The following CACNA2D1 variants were observed in gnomAD, a reference collection of about 807,000 sequenced individuals.
The protein encoded by CACNA2D1 is calcium voltage-gated channel auxiliary subunit alpha2delta 1.
Under a neutral mutation model 171.5 loss-of-function variants are expected in CACNA2D1, and 53 were observed. The ratio of observed to expected loss-of-function variants is 0.31; its 90% CI spans 0.25 to 0.39. The LOEUF (loss-of-function observed/expected upper bound fraction) is 0.39. Ranked by LOEUF, CACNA2D1 falls within the 10% of genes least tolerant of loss-of-function variation. The pLI is 1.00. For missense variants in CACNA2D1, 903 were observed against 1,299.8 expected (o/e 0.69, Z 4.69); for synonymous variants, 442 against 443.1 (o/e 1.00, Z 0.03).
Position 82,316,958 on chromosome 7 carries a change from G to A in CACNA2D1, c.294+18177C>T, listed in dbSNP as rs887945268. 2.6e-5 allele frequency among the ~76,000 whole-genome samples: 4 copies of A among 151,980 alleles called. 1 individual carries two copies. The East Asian group carries it at 5.8e-4, about 22-fold the overall frequency. On this transcript the variant is annotated intron_variant, in intron 3 of 38. Transcript: ENST00000356860. ...ACAATTCAGGGTGAGATTTGGGCGGGGACACAGCCAAACCATATCAATCTG... is the reference window on the plus strand; with the variant it reads ...ACAATTCAGGGTGAGATTTGGGCGGAGACACAGCCAAACCATATCAATCTG...
intron 10 of CACNA2D1, among the ~76,000 whole-genome samples, chr7:82,045,122 G>GAA (rs11405710): frequency 1.5e-4 from 23 of 152,086 alleles, no homozygotes; most frequent in African/African-American, 4.1e-4. Flanking sequence ...CAGATTAATA[G>GAA]AAAAAAATGC....
intron 1 of CACNA2D1, among the ~76,000 whole-genome samples, chr7:82,400,503 T>C (rs1826262537): frequency 6.6e-6 from 1 of 151,982 alleles, no homozygotes; most frequent in South Asian, 2.1e-4. Context: ...GCTAGCCATA[T>C]GTAGAAAGCT....
At chr7:82,050,594 A>G (rs755488677) in intron 10 of CACNA2D1, 1 of 702,740 alleles carries the variant, frequency 1.4e-6, no homozygotes, top group South Asian at 1.5e-5. Flanking sequence ...TGCATTGAAA[A>G]TCTCTTCGGG....
In CACNA2D1 at chr7:82,224,541, C is replaced by A. The variant is rs1179148002; in HGVS notation, c.295-53932G>T. On this transcript the variant is annotated intron_variant, in intron 3 of 38. Transcript: ENST00000356860. ...GGGGTTGCAGTGAGCCAAGATCGCA[C>A]CACTGCACTCCAGCCTGGCAACACA... is the stretch of plus-strand genomic sequence containing the variant. 3.3e-5 allele frequency among the ~76,000 whole-genome samples: 5 copies of A among 152,106 alleles called. No individual in the cohort carries two copies. The East Asian group carries it at 9.6e-4, about 29-fold the overall frequency.
At chr7:81,968,839 G>T in intron 29 of CACNA2D1, 48 bp downstream of exon 29, 1 of 1,011,248 alleles carries the variant, frequency 9.9e-7, no homozygotes, top group Non-Finnish European at 1.6e-6. Context: ...TAAATGCCAA[G>T]TAACATTTAA....
chr7:81,988,918 G>A (rs556145585), intron 21 of CACNA2D1, among the ~76,000 whole-genome samples: 60 of 152,264 alleles, frequency 3.9e-4, no homozygotes, highest in African/African-American at 1.4e-3. Flanking sequence ...TCGTGTGTGT[G>A]CATGATGTTA....
At chr7:82,054,256 C>T (rs997950281) in intron 10 of CACNA2D1, among the ~76,000 whole-genome samples, 1 of 152,156 alleles carries the variant, frequency 6.6e-6, no homozygotes, top group Admixed American at 6.5e-5. Context: ...TCTAATCAAG[C>T]TAGATGATAT....
chr7:82,139,933 C>CA (rs1191437951), intron 4 of CACNA2D1, among the ~76,000 whole-genome samples: 1 of 143,038 alleles, frequency 7.0e-6, no homozygotes, highest in East Asian at 2.0e-4. Context: ...AGGCATTTGC[C>CA]AACACACCTG....
chr7:82,144,338 A>G (rs2129093626), intron 4 of CACNA2D1, among the ~76,000 whole-genome samples: 1 of 152,222 alleles, frequency 6.6e-6, no homozygotes, highest in East Asian at 1.9e-4. Flanking sequence ...TTGTAGCTTT[A>G]CAAAAATTTC....
intron 1 of CACNA2D1, among the ~76,000 whole-genome samples, chr7:82,401,736 T>G (rs528047976): frequency 6.6e-6 from 1 of 151,966 alleles, no homozygotes. Context: ...AATGAAAAGA[T>G]AAATAAGACA....
intron 23 of CACNA2D1, 96 bp downstream of exon 23, chr7:81,983,218 G>A: frequency 1.9e-6 from 2 of 1,042,756 alleles, no homozygotes; most frequent in South Asian, 1.4e-5. Flanking sequence ...TAGCAAATGA[G>A]AAGCACAGAG....
At chr7:82,210,366 AC>A (rs1800433119) in intron 3 of CACNA2D1, among the ~76,000 whole-genome samples, 1 of 152,108 alleles carries the variant, frequency 6.6e-6, no homozygotes, top group African/African-American at 2.4e-5. Flanking sequence ...CTCTGGAAAA[AC>A]GGTAACAATA....
At chr7:82,024,482 A>G (rs1160441804) in intron 12 of CACNA2D1, among the ~76,000 whole-genome samples, 1 of 151,660 alleles carries the variant, frequency 6.6e-6, no homozygotes, top group Non-Finnish European at 1.5e-5. Context: ...TCATTTTTCA[A>G]TTGGGTTATT....
At chr7:82,268,609 T>C (rs3801703) in intron 3 of CACNA2D1, among the ~76,000 whole-genome samples, 36,953 of 151,610 alleles carry the variant, frequency 0.24, 4,984 homozygotes, top group Non-Finnish European at 0.31. Flanking sequence ...TGGACCATGG[T>C]TGGGAAAAAT....
intron 1 of CACNA2D1, among the ~76,000 whole-genome samples, chr7:82,409,287 A>C (rs750739894): frequency 1.3e-5 from 2 of 152,272 alleles, no homozygotes; most frequent in African/African-American, 2.4e-5. Flanking sequence ...GTACATTTTA[A>C]AATGTTTTTT....
chr7:82,161,738 G>A (rs1794968651), intron 4 of CACNA2D1, among the ~76,000 whole-genome samples: 1 of 151,994 alleles, frequency 6.6e-6, no homozygotes, highest in Non-Finnish European at 1.5e-5. Context: ...AGTGAGACAG[G>A]TAAATGAAAA....
intron 3 of CACNA2D1, among the ~76,000 whole-genome samples, chr7:82,312,884 C>T (rs1814649905): frequency 6.6e-6 from 1 of 151,984 alleles, no homozygotes; most frequent in African/African-American, 2.4e-5. Context: ...TCCCACTGTG[C>T]CCATTTAAAC....
At chr7:82,386,768 A>AAATG in intron 1 of CACNA2D1, among the ~76,000 whole-genome samples, 1 of 149,034 alleles carries the variant, frequency 6.7e-6, no homozygotes, top group South Asian at 2.1e-4. Context: ...ATAAATAAAT[A>AAATG]AATAAATAAA....
In CACNA2D1 at chr7:82,353,286, G is replaced by A. The variant is rs139060323; in HGVS notation, c.96-3637C>T. 4.7e-3 allele frequency among the ~76,000 whole-genome samples: 708 copies of A among 151,954 alleles called. 3 individuals carry two copies. Among genetic ancestry groups the A allele is most frequent in the African/African-American group, 0.016 (679 of 41,438 alleles). ...TGTTGGATATAGAAAGTGAAGGAGA[G>A]GAAGAATATGGGATGATTAGGGAGT... is the stretch of plus-strand genomic sequence containing the variant. On this transcript the variant is annotated intron_variant, in intron 1 of 38. Coordinates refer to ENST00000356860, the MANE Select transcript of CACNA2D1 (RefSeq NM_000722.4).
Sources: gnomAD v4.1 joint callset for allele counts (sites outside exome capture counted in the v4.1 genomes callset) on GRCh38, gnomAD v4.1.1 for gene constraint, MANE v1.5 for transcripts, NCBI Gene and HGNC (gene_info 2026-07-23, HGNC 2026-07-21) for gene names.